The following TASP1 variants were observed in gnomAD, a reference collection of about 807,000 sequenced individuals.
TASP1 encodes threonine aspartase 1.
TASP1 carries 16 observed loss-of-function variants against 56.6 expected under a neutral mutation model. The ratio of observed to expected loss-of-function variants is 0.28; its 90% CI spans 0.19 to 0.43. TASP1 has a LOEUF of 0.43. Among genes scored for constraint, TASP1 ranks in the 20% least tolerant of loss-of-function variants. The pLI is 1.00. For synonymous variants in TASP1, 179 were observed against 184.2 expected, an observed-to-expected ratio of 0.97 and a Z score of 0.23; for missense variants, 393 against 511.6, an observed-to-expected ratio of 0.77 and a Z score of 2.24.
At chr20:13,563,493 C>T (rs999718842) in intron 7 of TASP1, among the ~76,000 whole-genome samples, 1 of 152,062 alleles carries the variant, frequency 6.6e-6, no homozygotes, top group Non-Finnish European at 1.5e-5. Context: ...CCCTTATGAA[C>T]GTTGATGCAA....
chr20:13,412,910 G>A lies in TASP1; in HGVS notation c.1170+4538C>T, dbSNP rs533267811. ...GAGACAGATAAGGTTTTGCTTCCTCGTTCTTATCATATCATATCACAGGAA... is the reference window on the plus strand; with the variant it reads ...GAGACAGATAAGGTTTTGCTTCCTCATTCTTATCATATCATATCACAGGAA... On this transcript the variant is annotated intron_variant, in intron 13 of 13. Transcript: ENST00000337743. Among the ~76,000 whole-genome samples, 6 of 152,182 alleles carry A rather than the reference G, an allele frequency of 3.9e-5. No homozygotes were observed. The South Asian group carries it at 8.3e-4, about 21-fold the overall frequency.
At chr20:13,122,151 G>A in the TASP1 span, among the ~76,000 whole-genome samples, 1 of 152,142 alleles carries the variant, frequency 6.6e-6, no homozygotes, top group African/African-American at 2.4e-5. Context: ...TTTTCCATTA[G>A]ACGGTCAATA....
In TASP1 at chr20:13,576,650, T is replaced by A. The variant is rs118028139; in HGVS notation, c.488+4247A>T. Among the ~76,000 whole-genome samples the A allele has an allele frequency of 2.0e-3, 306 of 152,294 alleles. 1 individual carries two copies. The highest frequency in any genetic ancestry group is 3.2e-3 in the Non-Finnish European group (220 of 68,022). On this transcript the variant is annotated intron_variant, in intron 6 of 13. Coordinates refer to ENST00000337743, the MANE Select transcript of TASP1 (RefSeq NM_017714.3). ...AGTTGGGAGCGTTTAAAAATCTTAA[T>A]AAATGCATATATTAGAATCACAATC...
chr20:13,513,034 G>A lies in TASP1; in HGVS notation c.874+15399C>T, dbSNP rs898413228. ...GTAGTATAGTTTGAAGTCAGGTAGC[G>A]AGATGCCTCCAGCTTTGTTCTTTTG... On this transcript the variant is annotated intron_variant, in intron 10 of 13. Transcript: ENST00000337743. Among the ~76,000 whole-genome samples the A allele has an allele frequency of 5.9e-5, 9 of 152,164 alleles. No homozygotes were observed. The East Asian group carries it at 9.7e-4, about 16-fold the overall frequency.
chr20:13,462,303 A>G (rs1332810482), intron 11 of TASP1, among the ~76,000 whole-genome samples: 1 of 152,184 alleles, frequency 6.6e-6, no homozygotes, highest in African/African-American at 2.4e-5. Flanking sequence ...AAATGTGGCT[A>G]GTACAACTGA....
At chr20:13,495,678 G>A (rs1054031411) in intron 10 of TASP1, among the ~76,000 whole-genome samples, 2 of 152,062 alleles carry the variant, frequency 1.3e-5, no homozygotes, top group Admixed American at 1.3e-4. Flanking sequence ...TATACAATTT[G>A]GGACTCTTCA....
At chr20:13,595,120 C>CA (rs762957482) in intron 4 of TASP1, among the ~76,000 whole-genome samples, 11 of 152,100 alleles carry the variant, frequency 7.2e-5, no homozygotes, top group Admixed American at 2.6e-4. Context: ...CATATCCAGC[C>CA]AAACTAAGCT....
At chr20:13,546,157 T>C (rs2146975582) in intron 8 of TASP1, among the ~76,000 whole-genome samples, 1 of 151,594 alleles carries the variant, frequency 6.6e-6, no homozygotes, top group South Asian at 2.1e-4. Context: ...ATTCAATAAA[T>C]GTTTGCTGGT....
the TASP1 span, among the ~76,000 whole-genome samples, chr20:13,187,144 G>A: frequency 2.5e-4 from 38 of 152,134 alleles, no homozygotes; most frequent in Middle Eastern, 3.4e-3. Context: ...GAATCAGCGC[G>A]CTTGGAGATA....
At chr20:13,107,690 A>C in the TASP1 span, among the ~76,000 whole-genome samples, 1 of 152,170 alleles carries the variant, frequency 6.6e-6, no homozygotes, top group Admixed American at 6.5e-5. Flanking sequence ...ATCTTGGTGA[A>C]ATTGATTAAT....
chr20:13,619,024 G>A (rs1347185004), intron 4 of TASP1, among the ~76,000 whole-genome samples: 3 of 151,954 alleles, frequency 2.0e-5, no homozygotes, highest in African/African-American at 7.3e-5. Context: ...ACAGGAACGC[G>A]CCACAATGCC....
At chr20:13,386,795 T>A (rs771145458), downstream of TASP1, among the ~76,000 whole-genome samples, 40 of 152,204 alleles carry the variant, frequency 2.6e-4, 1 homozygote, top group Admixed American at 6.5e-4. Flanking sequence ...CATCTAGGAC[T>A]TATTTATACA....
Position 13,587,439 on chromosome 20 carries a change from A to C in TASP1, c.283-69T>G. The C allele has an allele frequency of 3.0e-6, 4 of 1,333,752 alleles. No homozygotes were observed. The Admixed American group carries it at 9.8e-5, about 33-fold the overall frequency. 82.6% of individuals were successfully genotyped at this position (1,333,752 alleles called of 1,614,324 possible). On this transcript the variant is annotated intron_variant, in intron 4 of 13. Coordinates refer to ENST00000337743, the MANE Select transcript of TASP1 (RefSeq NM_017714.3). ...AAAGTATTAATGTCAGTCCTTCATG[A>C]AATTTTCTAAAAGCTAGAAGGTGAG...
At chr20:13,499,122 C>G (rs906449084) in intron 10 of TASP1, among the ~76,000 whole-genome samples, 1 of 151,960 alleles carries the variant, frequency 6.6e-6, no homozygotes, top group Non-Finnish European at 1.5e-5. Flanking sequence ...CTGGAAAATA[C>G]GTAAATATAA....
intron 11 of TASP1, among the ~76,000 whole-genome samples, chr20:13,444,533 C>A (rs1358826267): frequency 6.6e-6 from 1 of 152,092 alleles, no homozygotes; most frequent in Non-Finnish European, 1.5e-5. Context: ...CATACATTAA[C>A]TCCAGAACAA....
chr20:13,258,112 A>G, the TASP1 span, among the ~76,000 whole-genome samples: 71,147 of 151,836 alleles, frequency 0.47, 17,228 homozygotes, highest in East Asian at 0.61. Flanking sequence ...TCCCAAGCAT[A>G]CCTGTGTCCC....
In TASP1 at chr20:13,520,404, G is replaced by A. The variant is rs573626301; in HGVS notation, c.874+8029C>T. Among the ~76,000 whole-genome samples, 36 of 152,120 alleles carry A rather than the reference G, an allele frequency of 2.4e-4. 1 individual carries two copies. The highest frequency in any genetic ancestry group is 3.2e-4 in the Non-Finnish European group (22 of 68,028). ...AAGACTACAGTAACCAAAACAGCACGGTACTGGTACCAAAACAGAGATATA... is the reference window on the plus strand; with the variant it reads ...AAGACTACAGTAACCAAAACAGCACAGTACTGGTACCAAAACAGAGATATA... On this transcript the variant is annotated intron_variant, in intron 10 of 13. Coordinates refer to ENST00000337743, the MANE Select transcript of TASP1 (RefSeq NM_017714.3).
chr20:13,357,766 G>T, the TASP1 span, among the ~76,000 whole-genome samples: 1 of 152,142 alleles, frequency 6.6e-6, no homozygotes, highest in Non-Finnish European at 1.5e-5. Flanking sequence ...ACAGTAGAAT[G>T]GATTAACATT....
chr20:13,411,131 T>G (rs558931366), intron 13 of TASP1, among the ~76,000 whole-genome samples: 86 of 152,292 alleles, frequency 5.6e-4, no homozygotes, highest in Middle Eastern at 3.4e-3. Context: ...GAAAAATCAG[T>G]TGGCTATAAA....
Sources: allele counts gnomAD v4.1 joint callset (sites outside exome capture counted in the v4.1 genomes callset), GRCh38; gene constraint gnomAD v4.1.1; transcripts MANE v1.5; gene names NCBI Gene and HGNC (gene_info 2026-07-23, HGNC 2026-07-21).